The following TM9SF4 variants were observed in gnomAD, a reference collection of about 807,000 sequenced individuals.
TM9SF4 encodes transmembrane 9 superfamily member 4.
In TM9SF4, 26 loss-of-function variants were observed where a neutral mutation model predicts 90.4. That is an observed-to-expected ratio of 0.29 (90% CI 0.21 to 0.40). The LOEUF is 0.40. Among genes scored for constraint, TM9SF4 ranks in the 10% least tolerant of loss-of-function variants. TM9SF4 has a pLI of 1.00. For missense variants in TM9SF4, 549 were observed against 834.8 expected, an observed-to-expected ratio of 0.66 and a Z score of 4.22; for synonymous variants, 293 against 315.4, an observed-to-expected ratio of 0.93 and a Z score of 0.75.
At chr20:32,155,462 G>A (rs1237366152) in intron 13 of TM9SF4, among the ~76,000 whole-genome samples, 1 of 152,200 alleles carries the variant, frequency 6.6e-6, no homozygotes, top group African/African-American at 2.4e-5. Flanking sequence ...CGGCCAACTG[G>A]GGAATTTCCC....
At chr20:32,146,213 A>G (rs1207365077) in intron 8 of TM9SF4, among the ~76,000 whole-genome samples, 7 of 152,180 alleles carry the variant, frequency 4.6e-5, no homozygotes, top group African/African-American at 1.2e-4. Flanking sequence ...CATATGGCCC[A>G]TTCTCTTAAC....
intron 1 of TM9SF4, among the ~76,000 whole-genome samples, chr20:32,127,630 C>CTTTTTG (rs1045007787): frequency 6.6e-6 from 1 of 152,058 alleles, no homozygotes; most frequent in Non-Finnish European, 1.5e-5. Flanking sequence ...CTTGTTGTGT[C>CTTTTTG]TTTTTGTTTT....
At chr20:32,148,551 C>T (rs955255178) in intron 9 of TM9SF4, among the ~76,000 whole-genome samples, 1 of 150,422 alleles carries the variant, frequency 6.6e-6, no homozygotes, top group Admixed American at 6.6e-5. Flanking sequence ...GATCCTACCT[C>T]AACAAAAACA....
intron 3 of TM9SF4, chr20:32,137,140 G>A (rs2046606196): frequency 4.6e-6 from 2 of 436,304 alleles, no homozygotes; most frequent in Non-Finnish European, 9.2e-6. Context: ...AGCCTGGGCT[G>A]GCCTCTACCA....
At chr20:32,109,959 T>C in intron 1 of TM9SF4, 1 of 1,412,520 alleles carries the variant, frequency 7.1e-7, no homozygotes, top group Non-Finnish European at 9.2e-7. Flanking sequence ...GGCCCCGAGT[T>C]TTGGGGGAGG....
chr20:32,117,473 C>T (rs762095158), intron 1 of TM9SF4, among the ~76,000 whole-genome samples: 7 of 152,236 alleles, frequency 4.6e-5, no homozygotes, highest in East Asian at 1.9e-4. Flanking sequence ...AATAATTTTT[C>T]GTTCTCAGGG....
At chr20:32,154,121 C>A (rs1305634272) in intron 12 of TM9SF4, among the ~76,000 whole-genome samples, 1 of 152,120 alleles carries the variant, frequency 6.6e-6, no homozygotes, top group Non-Finnish European at 1.5e-5. Flanking sequence ...GGGGCCCAGA[C>A]ATACGTGTTT....
At position 32,166,837 on chromosome 20, in the gene TM9SF4, G is replaced by A. The variant is rs1398150280; in HGVS notation, c.*1393G>A. 1 of 152,104 alleles carries A rather than the reference G, an allele frequency of 6.6e-6. No individual in the cohort carries two copies. Among genetic ancestry groups the A allele is most frequent in the Non-Finnish European group, 1.5e-5 (1 of 68,040 alleles). The allele number at this position is 152,104 out of a possible 1,614,324, so 9.4% of individuals were successfully genotyped here. ...CTAACCCTTGCACCAGCCCTTGTGG[G>A]ACTCCCAACACAAGACAAAGCTCAG... On this transcript the variant is annotated 3_prime_UTR_variant, in exon 18 of 18. Transcript: ENST00000398022.
intron 1 of TM9SF4, among the ~76,000 whole-genome samples, chr20:32,112,872 T>TG (rs1287954374): frequency 5.3e-5 from 8 of 152,208 alleles, no homozygotes; most frequent in African/African-American, 1.9e-4. Flanking sequence ...AGGGTGCATA[T>TG]GGAGAAACTT....
intron 1 of TM9SF4, among the ~76,000 whole-genome samples, chr20:32,131,509 T>TG (rs11167299): frequency 6.7e-5 from 10 of 150,266 alleles, no homozygotes; most frequent in African/African-American, 1.7e-4. Context: ...TGTGTGTGTG[T>TG]TGGTTAGTTG....
At position 32,157,755 on chromosome 20, in the gene TM9SF4, TCAG is replaced by T. The variant is rs748202448; in HGVS notation, c.1330-38_1330-36del. 4 of 1,608,530 alleles carry T rather than the reference TCAG, an allele frequency of 2.5e-6. No homozygotes were observed. The South Asian group carries it at 4.4e-5, about 18-fold the overall frequency. On this transcript the variant is annotated intron_variant, in intron 13 of 17. Transcript: ENST00000398022. The stretch of plus-strand genomic sequence containing the variant: ...CCTTGCGCAGCCCCCATCCCGGGCA[TCAG>T]GGCCTCGTGGGGGCCTCATGGTGCC...
At chr20:32,131,807 A>G (rs2046519077) in intron 1 of TM9SF4, among the ~76,000 whole-genome samples, 1 of 152,150 alleles carries the variant, frequency 6.6e-6, no homozygotes, top group South Asian at 2.1e-4. Context: ...AAGAGATGCA[A>G]TGGACCTTTC....
chr20:32,133,242 C>G, intron 2 of TM9SF4, 116 bp downstream of exon 2: 1 of 839,286 alleles, frequency 1.2e-6, no homozygotes. Context: ...GTGCCAGTTA[C>G]CCCGGAACTC....
At chr20:32,146,628 C>T (rs977688140) in intron 8 of TM9SF4, among the ~76,000 whole-genome samples, 157 bp from the exon 9 acceptor site, 1 of 152,036 alleles carries the variant, frequency 6.6e-6, no homozygotes, top group Admixed American at 6.6e-5. Flanking sequence ...GGAGCTCCCC[C>T]GAGAAGAGGC....
At chr20:32,136,847 C>A in intron 3 of TM9SF4, 1 of 471,166 alleles carries the variant, frequency 2.1e-6, no homozygotes, top group South Asian at 1.5e-5. Context: ...CCTCAGGGAA[C>A]TTAAGAGACT....
At chr20:32,116,018 C>A (rs1014066220) in intron 1 of TM9SF4, among the ~76,000 whole-genome samples, 1 of 151,686 alleles carries the variant, frequency 6.6e-6, no homozygotes, top group Admixed American at 6.6e-5. Flanking sequence ...GATAGGGTTT[C>A]GCCATGTTGG....
In TM9SF4 at chr20:32,165,499, G is replaced by A. The variant is rs555563244; in HGVS notation, c.*55G>A. On this transcript the variant is annotated 3_prime_UTR_variant, in exon 18 of 18. Coordinates refer to ENST00000398022, the MANE Select transcript of TM9SF4 (RefSeq NM_014742.4). ...GTCCTCGGACAGGAAGCCACCCTGCGTGGGGGACTGCAGGCACGCAAAATA... is the reference window on the plus strand; with the variant it reads ...GTCCTCGGACAGGAAGCCACCCTGCATGGGGGACTGCAGGCACGCAAAATA... 9.4e-6 allele frequency: 15 copies of A among 1,596,268 alleles called. No homozygotes were observed. Among genetic ancestry groups the A allele is most frequent in the East Asian group, 2.2e-5 (1 of 44,484 alleles).
chr20:32,117,919 A>C (rs563081186), intron 1 of TM9SF4, among the ~76,000 whole-genome samples: 27 of 152,338 alleles, frequency 1.8e-4, no homozygotes, highest in African/African-American at 6.0e-4. Context: ...GATGATTACT[A>C]AATATTTAAT....
chr20:32,120,388 G>A (rs1037087737), intron 1 of TM9SF4, among the ~76,000 whole-genome samples: 1 of 129,440 alleles, frequency 7.7e-6, no homozygotes, highest in Non-Finnish European at 1.6e-5. Context: ...TTGATACTAA[G>A]TGGTGCGTTT....
Sources: gnomAD v4.1 joint callset for allele counts (sites outside exome capture counted in the v4.1 genomes callset) on GRCh38, gnomAD v4.1.1 for gene constraint, MANE v1.5 for transcripts, NCBI Gene and HGNC (gene_info 2026-07-23, HGNC 2026-07-21) for gene names.